Variants in TTBK2 observed in about 807,000 individuals in gnomAD.
TTBK2 encodes tau-tubulin kinase 2.
TTBK2 carries 28 observed loss-of-function variants against 110.8 expected under a neutral mutation model. The ratio of observed to expected loss-of-function variants is 0.25; its 90% confidence interval spans 0.19 to 0.35. The LOEUF (loss-of-function observed/expected upper bound fraction) is 0.35. Among genes scored for constraint, TTBK2 ranks in the 10% least tolerant of loss-of-function variants. TTBK2 has a pLI of 1.00. For missense variants in TTBK2, 1,369 were observed against 1,500.3 expected (o/e 0.91, Z 1.45); for synonymous variants, 532 against 527.3 (o/e 1.01, Z -0.12).
At chr15:42,767,806 CAA>C (rs1889457625) in intron 13 of TTBK2, among the ~76,000 whole-genome samples, 1 of 151,954 alleles carries the variant, frequency 6.6e-6, no homozygotes, top group African/African-American at 2.4e-5. Flanking sequence ...AGAGACACAA[CAA>C]AAAAAGAGAA....
chr15:42,801,562 G>C, intron 9 of TTBK2: 1 of 768,214 alleles, frequency 1.3e-6, no homozygotes, highest in Non-Finnish European at 2.4e-6. Flanking sequence ...CCTTATACTT[G>C]ATCTAGTACA....
chr15:42,804,030 A>AAGAG (rs35097306), intron 9 of TTBK2, among the ~76,000 whole-genome samples: 6 of 127,260 alleles, frequency 4.7e-5, no homozygotes, highest in African/African-American at 1.4e-4. Context: ...AAAAAAAAAA[A>AAGAG]AGAGAGAGAT....
intron 3 of TTBK2, among the ~76,000 whole-genome samples, chr15:42,843,621 T>G (rs2141023729): frequency 6.6e-6 from 1 of 152,104 alleles, no homozygotes; most frequent in South Asian, 2.1e-4. Context: ...CAGCCGGGCA[T>G]GGTAGCGCAT....
chr15:42,907,512 G>A (rs892671700), intron 1 of TTBK2, among the ~76,000 whole-genome samples: 3 of 152,222 alleles, frequency 2.0e-5, no homozygotes, highest in Middle Eastern at 3.4e-3. Flanking sequence ...GTTATTTGCA[G>A]TAACATGGAT....
intron 9 of TTBK2, among the ~76,000 whole-genome samples, chr15:42,808,694 AT>A (rs1411856748): frequency 8.0e-5 from 12 of 149,590 alleles, no homozygotes; most frequent in African/African-American, 3.1e-4. Context: ...TTTAAAAAAA[AT>A]AAAAAAAAAA....
At chr15:42,861,514 A>G (rs562153290) in intron 3 of TTBK2, among the ~76,000 whole-genome samples, 13 of 152,238 alleles carry the variant, frequency 8.5e-5, no homozygotes, top group Non-Finnish European at 1.6e-4. Context: ...CAATGAAATT[A>G]AGGCAGAAAT....
chr15:42,768,841 T>A lies in TTBK2; in HGVS notation c.1998+6294A>T, dbSNP rs1303059405. On this transcript the variant is annotated intron_variant, in intron 13 of 14. Coordinates refer to ENST00000267890, the MANE Select transcript of TTBK2 (RefSeq NM_173500.4). ...CAAAAGAACAAAGCTGGAGGCATCA[T>A]ACTACCTGACTTCAAACTGTACTAC... 1.8e-4 allele frequency among the ~76,000 whole-genome samples: 27 copies of A among 152,240 alleles called. 1 individual carries two copies. Among genetic ancestry groups the A allele is most frequent in the Admixed American group, 1.8e-3 (27 of 15,278 alleles).
At chr15:42,886,970 G>A (rs1895271051) in intron 1 of TTBK2, among the ~76,000 whole-genome samples, 1 of 152,182 alleles carries the variant, frequency 6.6e-6, no homozygotes, top group Non-Finnish European at 1.5e-5. Flanking sequence ...AAGACACACT[G>A]CCCAATCTCC....
In TTBK2 at chr15:42,752,803, C is replaced by A. The variant is rs2061886323; in HGVS notation, c.2443G>T (p.Asp815Tyr). The change falls in exon 14 of 15, where the codon GAT becomes TAT. Residue 815 changes from aspartate to tyrosine, a missense_variant. Coordinates refer to ENST00000267890, the MANE Select transcript of TTBK2 (RefSeq NM_173500.4). ...AGAGGTTCAGTAGTAGCTGAGTGAT[C>A]CTTTTCCACAATTACCAAATCTCCT... is the stretch of plus-strand genomic sequence containing the variant. ...LPGDLVIVEK[D>Y]HSATTEPLDV... The A allele has an allele frequency of 6.2e-7, 1 of 1,613,996 alleles. No individual in the cohort carries two copies. Among genetic ancestry groups the A allele is most frequent in the African/African-American group, 1.3e-5 (1 of 74,904 alleles).
Position 42,741,343 on chromosome 15 carries a change from G to T in TTBK2, c.*4452C>A, listed in dbSNP as rs1290724464. 1 of 152,194 alleles carries T rather than the reference G, an allele frequency of 6.6e-6. No homozygotes were observed. The highest frequency in any genetic ancestry group is 1.5e-5 in the Non-Finnish European group (1 of 68,044). 9.4% of individuals were successfully genotyped at this position (152,194 alleles called of 1,614,324 possible). ...AGTAAAGGTCTAAAAATGCACCTGT[G>T]GTTTCTGAACTTGGGTATACGCTGA... On this transcript the variant is annotated 3_prime_UTR_variant, in exon 15 of 15. Transcript: ENST00000267890.
intron 10 of TTBK2, among the ~76,000 whole-genome samples, chr15:42,790,899 T>C (rs1015896229): frequency 2.0e-5 from 3 of 152,014 alleles, no homozygotes; most frequent in Non-Finnish European, 4.4e-5. Context: ...GTTTGTTTGT[T>C]TTGAGATGGA....
intron 10 of TTBK2, among the ~76,000 whole-genome samples, chr15:42,784,609 A>T (rs1890329728): frequency 6.6e-6 from 1 of 152,196 alleles, no homozygotes; most frequent in South Asian, 2.1e-4. Flanking sequence ...TCTAAACAGG[A>T]AAATGTTAAG....
intron 6 of TTBK2, among the ~76,000 whole-genome samples, chr15:42,824,312 C>A (rs755118008): frequency 6.6e-6 from 1 of 152,156 alleles, no homozygotes; most frequent in Admixed American, 6.5e-5. Flanking sequence ...ACCCCTCCCC[C>A]ACCAAAACGT....
chr15:42,745,759 A>G lies in TTBK2; in HGVS notation c.*36T>C. ...CACACATGCATCAGGTTTAGGAGGA[A>G]GATCTCACACCTTTCAAAGAGATGC... On this transcript the variant is annotated 3_prime_UTR_variant, in exon 15 of 15. Transcript: ENST00000267890. The G allele has an allele frequency of 1.2e-6, 2 of 1,610,582 alleles. No individual in the cohort carries two copies. The highest frequency in any genetic ancestry group is 1.7e-6 in the Non-Finnish European group (2 of 1,177,650).
intron 11 of TTBK2, among the ~76,000 whole-genome samples, chr15:42,779,390 C>G (rs892743646): frequency 9.2e-6 from 1 of 108,620 alleles, no homozygotes; most frequent in East Asian, 2.5e-4. Context: ...GCCTGGGCAA[C>G]AAAGCAAAAC....
intron 3 of TTBK2, among the ~76,000 whole-genome samples, chr15:42,842,844 A>G (rs1304089869): frequency 1.3e-5 from 2 of 152,126 alleles, no homozygotes; most frequent in Non-Finnish European, 2.9e-5. Flanking sequence ...GGTGCAATGG[A>G]GAACACAATA....
intron 3 of TTBK2, among the ~76,000 whole-genome samples, chr15:42,842,741 A>AC (rs1352226575): frequency 6.6e-6 from 1 of 151,066 alleles, no homozygotes; most frequent in Non-Finnish European, 1.5e-5. Flanking sequence ...AAAAAGACTC[A>AC]TTTTTTTGCA....
In TTBK2 at chr15:42,911,083, A is replaced by G. The variant is rs947694960; in HGVS notation, c.-68+9355T>C. On this transcript the variant is annotated intron_variant, in intron 1 of 14. Transcript: ENST00000267890. ...AACGGTGAAAAAATAGAAAAAGTTA[A>G]CCTACATCAATTTGTAAGGGCCAAA... is the stretch of plus-strand genomic sequence containing the variant. Among the ~76,000 whole-genome samples, 4 of 152,056 alleles carry G rather than the reference A, an allele frequency of 2.6e-5. No homozygotes were observed. The South Asian group carries it at 8.3e-4, about 32-fold the overall frequency.
chr15:42,786,621 T>C (rs534410683), intron 10 of TTBK2, among the ~76,000 whole-genome samples: 1 of 152,282 alleles, frequency 6.6e-6, no homozygotes, highest in East Asian at 1.9e-4. Context: ...CACCTCCATC[T>C]CTGAATACAC....
Sources: allele counts gnomAD v4.1 joint callset (sites outside exome capture counted in the v4.1 genomes callset), GRCh38; gene constraint gnomAD v4.1.1; transcripts MANE v1.5; gene names NCBI Gene and HGNC (gene_info 2026-07-23, HGNC 2026-07-21).